Variants in JPH1 observed in about 807,000 individuals in gnomAD.
JPH1 encodes junctophilin-1.
Under a neutral mutation model 53.6 loss-of-function variants are expected in JPH1, and 12 were observed. That is an observed-to-expected ratio of 0.22 (90% CI 0.14 to 0.36). The LOEUF is 0.36. Among genes scored for constraint, JPH1 ranks in the 10% least tolerant of loss-of-function variants. The pLI is 1.00. For synonymous variants in JPH1, 375 were observed against 363.8 expected (o/e 1.03, Z -0.35); for missense variants, 808 against 905.5 (o/e 0.89, Z 1.38).
chr8:74,252,996 C>T (rs372439552), intron 3 of JPH1, among the ~76,000 whole-genome samples: 2,095 of 151,052 alleles, frequency 0.014, 71 homozygotes, highest in African/African-American at 0.049. Context: ...GACAGAAAGT[C>T]AACAAGGATA....
intron 3 of JPH1, among the ~76,000 whole-genome samples, chr8:74,252,907 C>A (rs1806107486): frequency 6.6e-6 from 1 of 151,986 alleles, no homozygotes. Context: ...CCTTAGTGAC[C>A]TAGAAAGAGA....
Position 74,254,898 on chromosome 8 carries a change from C to T in JPH1, c.1258+4487G>A, listed in dbSNP as rs567255351. 4.9e-4 allele frequency among the ~76,000 whole-genome samples: 75 copies of T among 152,188 alleles called. 1 individual carries two copies. The East Asian group carries it at 0.013, about 27-fold the overall frequency. The stretch of plus-strand genomic sequence containing the variant: ...CACTGCTCAATGAAATAAAAGAGGA[C>T]ACAAACAAATGGGAGAACATTCCAT... On this transcript the variant is annotated intron_variant, in intron 3 of 5. Coordinates refer to ENST00000342232, the MANE Select transcript of JPH1 (RefSeq NM_020647.4).
intron 2 of JPH1, among the ~76,000 whole-genome samples, chr8:74,261,698 T>C (rs895776116): frequency 1.3e-5 from 2 of 152,178 alleles, no homozygotes; most frequent in African/African-American, 2.4e-5. Flanking sequence ...TCTAAACTTT[T>C]TTCCCCCAAA....
At chr8:74,259,328 T>C in intron 3 of JPH1, 57 bp downstream of exon 3, 3 of 1,318,286 alleles carry the variant, frequency 2.3e-6, no homozygotes, top group Admixed American at 1.8e-5. Context: ...GAAAAGGAAA[T>C]AAAAGCAAGC....
chr8:74,316,361 G>A (rs1347008443), intron 1 of JPH1, among the ~76,000 whole-genome samples: 1 of 152,156 alleles, frequency 6.6e-6, no homozygotes, highest in African/African-American at 2.4e-5. Context: ...CGTATCATTT[G>A]CCAAATCTCT....
rs143407853 is a variant in JPH1, at chr8:74,306,046, C to T, written c.1139+8815G>A. The stretch of plus-strand genomic sequence containing the variant: ...TGTTTTAAAGAAAGATCTTTAGAAA[C>T]GAGATATCCTAAGGAGGTTTTACAA... On this transcript the variant is annotated intron_variant, in intron 2 of 5. Coordinates refer to ENST00000342232, the MANE Select transcript of JPH1 (RefSeq NM_020647.4). 7.3e-4 allele frequency among the ~76,000 whole-genome samples: 111 copies of T among 152,026 alleles called. No homozygotes were observed. The East Asian group carries it at 0.019, about 25-fold the overall frequency.
At chr8:74,272,635 G>A (rs1452438482) in intron 2 of JPH1, among the ~76,000 whole-genome samples, 3 of 129,766 alleles carry the variant, frequency 2.3e-5, no homozygotes, top group East Asian at 2.2e-4. Flanking sequence ...ACGGAGTTTC[G>A]CTCTGTCGCC....
chr8:74,242,809 T>C (rs1295506892), intron 4 of JPH1, among the ~76,000 whole-genome samples: 1 of 152,212 alleles, frequency 6.6e-6, no homozygotes, highest in African/African-American at 2.4e-5. Flanking sequence ...AAGGACCAAC[T>C]ACTGAGATGG....
chr8:74,278,581 C>A (rs915358865), intron 2 of JPH1, among the ~76,000 whole-genome samples: 2 of 152,198 alleles, frequency 1.3e-5, no homozygotes, highest in African/African-American at 4.8e-5. Context: ...GCCACCTGCA[C>A]ACTTTGGGTT....
rs1168721529 is a variant in JPH1 at position 74,321,036 on chromosome 8, C to T, written c.252G>A (p.Gly84=). The T allele has an allele frequency of 6.2e-7, 1 of 1,613,372 alleles. No individual in the cohort carries two copies. The highest frequency in any genetic ancestry group is 2.2e-5 in the East Asian group (1 of 44,806). ...GCCCCTTGAAACCATGTGACCACTC[C>T]CCCCGGTACATCCACTTGCCCTTCG... ...VETKGKWMYR[G]EWSHGFKGRY... is the part of the protein sequence containing the mutation. Residue 84 remains glycine (G), a synonymous_variant, in exon 1 of 6, where the codon GGG becomes GGA. Coordinates refer to ENST00000342232, the MANE Select transcript of JPH1 (RefSeq NM_020647.4). The surrounding 1 kb of genome is among the most constrained non-coding windows in gnomAD (Gnocchi z 4.3).
chr8:74,319,512 G>C (rs1236690347), intron 1 of JPH1, among the ~76,000 whole-genome samples: 1 of 152,154 alleles, frequency 6.6e-6, no homozygotes, highest in African/African-American at 2.4e-5. Flanking sequence ...AAAACTATTA[G>C]AGAACGTTTT....
At chr8:74,308,864 C>A (rs1297009908) in intron 2 of JPH1, among the ~76,000 whole-genome samples, 1 of 152,168 alleles carries the variant, frequency 6.6e-6, no homozygotes, top group African/African-American at 2.4e-5. Flanking sequence ...AGAAAGCAAG[C>A]TGGCATGGTT....
chr8:74,292,808 T>C (rs762383275), intron 2 of JPH1, among the ~76,000 whole-genome samples: 2 of 152,200 alleles, frequency 1.3e-5, no homozygotes, highest in Non-Finnish European at 1.5e-5. Context: ...TGGGCAATTG[T>C]GTTGAAAAGG....
At chr8:74,237,056 T>C (rs771985776) in intron 5 of JPH1, 21 bp from the exon 6 acceptor site, 16 of 611,308 alleles carry the variant, frequency 2.6e-5, no homozygotes, top group Admixed American at 6.0e-5. Context: ...AAAACAGTTA[T>C]AGCAATTAAG....
rs766040966 is a variant in JPH1 at position 74,315,484 on chromosome 8, A to G, written c.516T>C (p.Asn172=). The stretch of plus-strand genomic sequence containing the variant: ...CTGCGGCGTCGTGGAGCACGCTGCC[A>G]TTGCTCTGCTCGCTGCGCAGCGAGG... ...SLASLRSEQS[N]GSVLHDAAAA... The change falls in exon 2 of 6, where the codon AAT becomes AAC. Residue 172 remains asparagine, a synonymous_variant. Coordinates refer to ENST00000342232, the MANE Select transcript of JPH1 (RefSeq NM_020647.4). The surrounding 1 kb of genome is among the most constrained non-coding windows in gnomAD (Gnocchi z 6.3). 5.0e-6 allele frequency: 8 copies of G among 1,607,364 alleles called. No homozygotes were observed. The highest frequency in any genetic ancestry group is 1.3e-5 in the African/African-American group (1 of 74,784).
chr8:74,267,886 G>A (rs1286996900), intron 2 of JPH1, among the ~76,000 whole-genome samples: 2 of 152,150 alleles, frequency 1.3e-5, no homozygotes, highest in Admixed American at 6.5e-5. Context: ...CTGGATGAGC[G>A]AAAGAAAGGA....
At chr8:74,298,780 T>C (rs1263689555) in intron 2 of JPH1, among the ~76,000 whole-genome samples, 5 of 152,198 alleles carry the variant, frequency 3.3e-5, no homozygotes, top group Non-Finnish European at 7.3e-5. Flanking sequence ...TTTTCAGAAA[T>C]ATGAGTAGTC....
At chr8:74,295,878 A>G (rs528789407) in intron 2 of JPH1, among the ~76,000 whole-genome samples, 1 of 152,298 alleles carries the variant, frequency 6.6e-6, no homozygotes, top group South Asian at 2.1e-4. Context: ...CATTGGTTTT[A>G]GCTCAAACCA....
intron 2 of JPH1, among the ~76,000 whole-genome samples, chr8:74,267,721 T>C (rs541123165): frequency 6.6e-6 from 1 of 152,184 alleles, no homozygotes; most frequent in Non-Finnish European, 1.5e-5. Flanking sequence ...GAAATCTGGA[T>C]AGTAACCAGA....
Sources: allele counts gnomAD v4.1 joint callset (sites outside exome capture counted in the v4.1 genomes callset), GRCh38; gene constraint gnomAD v4.1.1; non-coding constraint Gnocchi (gnomAD v3.1); transcripts MANE v1.5; gene names NCBI Gene and HGNC (gene_info 2026-07-23, HGNC 2026-07-21).